Variants in FBXO34 observed in about 807,000 individuals in gnomAD.
FBXO34 encodes the protein F-box only protein 34.
In FBXO34, 12 loss-of-function variants were observed where a neutral mutation model predicts 24.5. That is an observed-to-expected ratio of 0.49 (90% CI 0.31 to 0.79). The LOEUF is 0.79. Among genes scored for constraint, FBXO34 ranks in the 30% least tolerant of loss-of-function variants. The probability of loss-of-function intolerance (pLI) is 0.04; values close to 1 mark genes in which losing one functional copy is unlikely to be tolerated. For missense variants in FBXO34, 823 were observed against 857.7 expected, an observed-to-expected ratio of 0.96 and a Z score of 0.51; for synonymous variants, 320 against 311.9, an observed-to-expected ratio of 1.03 and a Z score of -0.27.
chr14:55,434,743 T>G, the FBXO34 span, among the ~76,000 whole-genome samples: 2 of 152,168 alleles, frequency 1.3e-5, no homozygotes, highest in Non-Finnish European at 1.5e-5. Flanking sequence ...TCGGGTAACA[T>G]CGAGGTAACA....
intron 1 of FBXO34, among the ~76,000 whole-genome samples, chr14:55,329,750 A>G (rs530420782): frequency 6.6e-6 from 1 of 152,284 alleles, no homozygotes; most frequent in African/African-American, 2.4e-5. Flanking sequence ...TTCTCTGATT[A>G]AATTTGACTA....
the FBXO34 span, chr14:55,382,258 C>T: frequency 7.2e-7 from 1 of 1,390,078 alleles, no homozygotes; most frequent in South Asian, 1.2e-5. Context: ...AATATAACTG[C>T]AAGACATGCT....
chr14:55,440,627 G>A, the FBXO34 span: 1 of 1,422,820 alleles, frequency 7.0e-7, no homozygotes, highest in Non-Finnish European at 9.3e-7. Context: ...TGGGCGATGG[G>A]CTTGGAGCGG....
In FBXO34 at chr14:55,331,759, A is replaced by G. The variant is rs1353030758; in HGVS notation, c.-10-18622A>G. 4.4e-4 allele frequency among the ~76,000 whole-genome samples: 26 copies of G among 58,996 alleles called. 6 individuals carry two copies. The highest frequency in any genetic ancestry group is 2.0e-3 in the African/African-American group (7 of 3,468). The allele number at this position is 58,996 out of a possible 152,430, so 38.7% of individuals were successfully genotyped here. On this transcript the variant is annotated intron_variant, in intron 1 of 1. Coordinates refer to ENST00000313833, the MANE Select transcript of FBXO34 (RefSeq NM_017943.4). ...TATATATGTGTGTATATATATATAT[A>G]TGTATATATATATATATATACCACC... is the stretch of plus-strand genomic sequence containing the variant.
chr14:55,354,516 T>C (rs1884490985), downstream of FBXO34: 1 of 152,290 alleles, frequency 6.6e-6, no homozygotes, highest in Admixed American at 6.5e-5. Flanking sequence ...CCACTCTTGA[T>C]CTGGTTTTCA....
chr14:55,438,664 A>G, the FBXO34 span: 6 of 152,354 alleles, frequency 3.9e-5, no homozygotes, highest in African/African-American at 1.4e-4. Flanking sequence ...GTTTTATGGT[A>G]ATGGAAACTT....
chr14:55,353,535 A>C lies in FBXO34; in HGVS notation c.*1009A>C, dbSNP rs1327924208. On this transcript the variant is annotated 3_prime_UTR_variant, in exon 2 of 2. Transcript: ENST00000313833. ...AGAAAATATTATATAGTTAGATAAT[A>C]ACATTCTTGTCTACTTTATCCTGTC... 6.0e-6 allele frequency: 1 copy of C among 167,108 alleles called. No individual in the cohort carries two copies. The highest frequency in any genetic ancestry group is 2.4e-5 in the African/African-American group (1 of 41,460). 10.4% of individuals were successfully genotyped at this position (167,108 alleles called of 1,614,324 possible).
chr14:55,277,100 A>G (rs986050078), intron 1 of FBXO34, among the ~76,000 whole-genome samples: 1 of 152,234 alleles, frequency 6.6e-6, no homozygotes, highest in African/African-American at 2.4e-5. Flanking sequence ...ATCCCTGTCA[A>G]GATATAGAAC....
the FBXO34 span, among the ~76,000 whole-genome samples, chr14:55,428,216 A>G: frequency 0.3 from 41,245 of 137,316 alleles, 7,454 homozygotes; most frequent in African/African-American, 0.55. Context: ...TGCAAGCTCC[A>G]CCTCCTGGGT....
At chr14:55,330,398 A>G (rs1883493258) in intron 1 of FBXO34, among the ~76,000 whole-genome samples, 1 of 152,126 alleles carries the variant, frequency 6.6e-6, no homozygotes, top group African/African-American at 2.4e-5. Context: ...TGTCATATAA[A>G]TGGGTGCACT....
At chr14:55,338,778 C>T (rs1356692357) in intron 1 of FBXO34, among the ~76,000 whole-genome samples, 2 of 152,024 alleles carry the variant, frequency 1.3e-5, no homozygotes, top group South Asian at 4.2e-4. Flanking sequence ...TGGTGGCAGG[C>T]GCCTCTAGTC....
chr14:55,355,386 C>T (rs767746448), downstream of FBXO34, among the ~76,000 whole-genome samples: 3 of 152,196 alleles, frequency 2.0e-5, no homozygotes, highest in Non-Finnish European at 2.9e-5. Context: ...TGCCTTTCAG[C>T]GCCCTCTGCA....
the FBXO34 span, among the ~76,000 whole-genome samples, chr14:55,406,381 G>A: frequency 6.6e-6 from 1 of 152,214 alleles, no homozygotes; most frequent in African/African-American, 2.4e-5. Flanking sequence ...TTATTAACAA[G>A]TGGTTTTCTA....
chr14:55,320,690 G>A (rs1202611601), intron 1 of FBXO34, among the ~76,000 whole-genome samples: 1 of 152,050 alleles, frequency 6.6e-6, no homozygotes, highest in Non-Finnish European at 1.5e-5. Flanking sequence ...CCCGGGAGGT[G>A]GAGCTTGCGG....
intron 1 of FBXO34, among the ~76,000 whole-genome samples, chr14:55,275,357 C>T (rs1881297133): frequency 6.6e-6 from 1 of 152,184 alleles, no homozygotes; most frequent in African/African-American, 2.4e-5. Flanking sequence ...GTATGGATTT[C>T]ATTCATCCAG....
the FBXO34 span, among the ~76,000 whole-genome samples, chr14:55,398,099 C>A: frequency 6.6e-6 from 1 of 152,020 alleles, no homozygotes; most frequent in Non-Finnish European, 1.5e-5. Context: ...AGGCGCCTGC[C>A]ACCATGCCCA....
intron 3 of FBXO34, among the ~76,000 whole-genome samples, chr14:55,361,195 T>C (rs1884590763): frequency 6.6e-6 from 1 of 152,076 alleles, no homozygotes; most frequent in Non-Finnish European, 1.5e-5. Context: ...AATTACTCCT[T>C]GAGCTATTGG....
chr14:55,317,404 C>CG (rs1192784215), intron 1 of FBXO34, among the ~76,000 whole-genome samples: 2 of 151,996 alleles, frequency 1.3e-5, no homozygotes, highest in Non-Finnish European at 2.9e-5. Flanking sequence ...CCCTTGAGCC[C>CG]GGGAAGGCAG....
At chr14:55,308,031 G>A (rs116648703) in intron 1 of FBXO34, among the ~76,000 whole-genome samples, 7 of 152,134 alleles carry the variant, frequency 4.6e-5, no homozygotes, top group South Asian at 2.1e-4. Flanking sequence ...TAAGTCTCAC[G>A]AGATCCGATG....
Sources: gnomAD v4.1 joint callset for allele counts (sites outside exome capture counted in the v4.1 genomes callset) on GRCh38, gnomAD v4.1.1 for gene constraint, MANE v1.5 for transcripts, NCBI Gene and HGNC (gene_info 2026-07-23, HGNC 2026-07-21) for gene names.